The following ARHGEF12 variants were observed in gnomAD, a reference collection of about 807,000 sequenced individuals.
ARHGEF12 encodes Rho guanine nucleotide exchange factor 12.
ARHGEF12 carries 66 observed loss-of-function variants against 211.2 expected under a neutral mutation model. The observed-to-expected ratio is 0.31, with a 90% CI of 0.26 to 0.38. The LOEUF (loss-of-function observed/expected upper bound fraction) is 0.38. Among genes scored for constraint, ARHGEF12 ranks in the 10% least tolerant of loss-of-function variants. The pLI, the probability that ARHGEF12 is intolerant of heterozygous loss-of-function variation, is 1.00. For missense variants in ARHGEF12, 1,429 were observed against 1,869.5 expected, an observed-to-expected ratio of 0.76 and a Z score of 4.34; for synonymous variants, 592 against 638.4, an observed-to-expected ratio of 0.93 and a Z score of 1.09.
At position 120,451,530 on chromosome 11, in the gene ARHGEF12, T is replaced by C. The variant is rs1008977842; in HGVS notation, c.1862T>C (p.Leu621Pro). Residue 621 changes from leucine to proline, a missense_variant, in exon 22 of 41, where the codon CTA (leucine) becomes CCA (proline). By Grantham distance (98) the Leu-to-Pro change is moderately conservative. Transcript: ENST00000397843. ...TGATCAGTTGGCAGAGCCATGGAACTACAGAAGGCGCGCCACCCTAAGCAC... is the reference window on the plus strand; with the variant it reads ...TGATCAGTTGGCAGAGCCATGGAACCACAGAAGGCGCGCCACCCTAAGCAC... ...DNSAIGRAMELQKARHPKHLS... is the reference protein window; with the variant it reads ...DNSAIGRAMEPQKARHPKHLS... 4.3e-6 allele frequency: 7 copies of C among 1,614,016 alleles called. No individual in the cohort carries two copies. The highest frequency in any genetic ancestry group is 5.9e-6 in the Non-Finnish European group (7 of 1,180,032).
chr11:120,442,026 C>G, intron 14 of ARHGEF12, 78 bp from the exon 15 acceptor site: 1 of 1,054,816 alleles, frequency 9.5e-7, no homozygotes, highest in Admixed American at 2.3e-5. Flanking sequence ...TCCAGACATT[C>G]CTACTCAATG....
At chr11:120,378,468 A>T (rs1423420286) in intron 1 of ARHGEF12, among the ~76,000 whole-genome samples, 5 of 152,156 alleles carry the variant, frequency 3.3e-5, no homozygotes, top group Non-Finnish European at 7.4e-5. Flanking sequence ...TTCAAAGAGC[A>T]TAAGTTATTA....
At position 120,485,195 on chromosome 11, in the gene ARHGEF12, C is replaced by A; in HGVS notation, c.*118C>A. 7.4e-7 allele frequency: 1 copy of A among 1,351,918 alleles called. No individual in the cohort carries two copies. The highest frequency in any genetic ancestry group is 1.0e-6 in the Non-Finnish European group (1 of 956,734). The allele number at this position is 1,351,918 out of a possible 1,614,324, so 83.7% of individuals were successfully genotyped here. A position where few individuals can be genotyped will look rare whatever the true frequency, so the allele number is the denominator to read the frequency against. ...GTGTGACAGAGGATCTGCCTGTGAA[C>A]CACCTGGGATTAGTCAAGTCCCAAG... On this transcript the variant is annotated 3_prime_UTR_variant, in exon 41 of 41. Coordinates refer to ENST00000397843, the MANE Select transcript of ARHGEF12 (RefSeq NM_015313.3).
intron 11 of ARHGEF12, among the ~76,000 whole-genome samples, chr11:120,432,565 C>G (rs1329444665): frequency 1.3e-5 from 2 of 152,138 alleles, no homozygotes; most frequent in East Asian, 3.8e-4. Context: ...GTAGATCACC[C>G]TCTTTAAAAG....
intron 15 of ARHGEF12, among the ~76,000 whole-genome samples, chr11:120,444,270 A>G (rs535007691): frequency 5.9e-5 from 9 of 152,264 alleles, no homozygotes; most frequent in Admixed American, 3.3e-4. Context: ...TGAATTTTGC[A>G]TTTCTTAAGA....
At chr11:120,435,889 T>C (rs1945680576) in intron 11 of ARHGEF12, among the ~76,000 whole-genome samples, 1 of 152,176 alleles carries the variant, frequency 6.6e-6, no homozygotes, top group Non-Finnish European at 1.5e-5. Context: ...AATTCAGAGT[T>C]TCAAAAGGAT....
chr11:120,457,967 T>A (rs1313438359), intron 24 of ARHGEF12, 113 bp from the exon 25 acceptor site: 1 of 1,314,776 alleles, frequency 7.6e-7, no homozygotes. Context: ...GAAATTTCAG[T>A]GCTAAGTCAG....
intron 29 of ARHGEF12, among the ~76,000 whole-genome samples, chr11:120,467,892 G>A (rs575965089): frequency 2.6e-5 from 4 of 152,234 alleles, no homozygotes; most frequent in South Asian, 2.1e-4. Context: ...GAGCACAGCC[G>A]TGCTCGTCTG....
chr11:120,488,724 T>A lies in ARHGEF12; in HGVS notation c.*3647T>A, dbSNP rs745695790. 2.3e-5 allele frequency: 5 copies of A among 217,852 alleles called. No homozygotes were observed. The highest frequency in any genetic ancestry group is 4.6e-5 in the Non-Finnish European group (5 of 108,146). 13.5% of individuals were successfully genotyped at this position (217,852 alleles called of 1,614,324 possible). ...ATAAGCCTCTTCCTACTAGAACATT[T>A]TATTTTCCTTGTTCACCATACAATC... is the stretch of plus-strand genomic sequence containing the variant. On this transcript the variant is annotated 3_prime_UTR_variant, in exon 41 of 41. Transcript: ENST00000397843.
At chr11:120,375,685 G>A (rs556652230) in intron 1 of ARHGEF12, among the ~76,000 whole-genome samples, 1 of 151,752 alleles carries the variant, frequency 6.6e-6, no homozygotes, top group East Asian at 1.9e-4. Flanking sequence ...ACATTTGTGT[G>A]GTACATTTGT....
At chr11:120,425,811 T>A (rs1034446731) in intron 7 of ARHGEF12, among the ~76,000 whole-genome samples, 1 of 151,504 alleles carries the variant, frequency 6.6e-6, no homozygotes, top group East Asian at 1.9e-4. Context: ...GAAATTTTTT[T>A]AAAAAAGGAA....
At chr11:120,460,884 A>G in intron 27 of ARHGEF12, 127 bp downstream of exon 27, 1 of 787,146 alleles carries the variant, frequency 1.3e-6, no homozygotes, top group Non-Finnish European at 2.1e-6. Flanking sequence ...AAGCTGAGAA[A>G]GGTCAAGCAG....
At chr11:120,476,085 T>G (rs1298451823) in intron 33 of ARHGEF12, 2 of 152,638 alleles carry the variant, frequency 1.3e-5, no homozygotes, top group Non-Finnish European at 2.9e-5. Context: ...TTTTTTTTCT[T>G]TTGAGACGAG....
At chr11:120,411,964 G>C (rs1001342944) in intron 4 of ARHGEF12, 7 of 152,104 alleles carry the variant, frequency 4.6e-5, no homozygotes, top group Non-Finnish European at 1.0e-4. Context: ...CATTTTTAGA[G>C]CTACTTTGTG....
In ARHGEF12 at chr11:120,488,799, T is replaced by TA; in HGVS notation, c.*3729dup. On this transcript the variant is annotated 3_prime_UTR_variant, in exon 41 of 41. Transcript: ENST00000397843. ...TTTAAAAAATATCTGGAACTATCTTTAAAAAAACTTTATTAATAATCATGT... is the reference window on the plus strand; with the variant it reads ...TTTAAAAAATATCTGGAACTATCTTTAAAAAAAACTTTATTAATAATCATGT... 4.8e-6 allele frequency: 1 copy of TA among 210,442 alleles called. No individual in the cohort carries two copies. The highest frequency in any genetic ancestry group is 9.7e-6 in the Non-Finnish European group (1 of 103,412). The allele number at this position is 210,442 out of a possible 1,614,324, so 13.0% of individuals were successfully genotyped here.
intron 1 of ARHGEF12, among the ~76,000 whole-genome samples, chr11:120,399,863 CT>C (rs1944507687): frequency 6.6e-6 from 1 of 152,050 alleles, no homozygotes; most frequent in Non-Finnish European, 1.5e-5. Flanking sequence ...TTGAGTAGTA[CT>C]CTTTTTTTAA....
rs538442202 is a variant in ARHGEF12 at position 120,439,954 on chromosome 11, A to G, written c.1000-175A>G. The G allele has an allele frequency of 4.3e-5, 25 of 578,168 alleles. No homozygotes were observed. In the South Asian group the frequency reaches 5.4e-4, roughly 12 times the overall value. The allele number at this position is 578,168 out of a possible 1,614,324, so 35.8% of individuals were successfully genotyped here. On this transcript the variant is annotated intron_variant, in intron 12 of 40. Transcript: ENST00000397843. ...GTCTTTTTCTCTGCCAGAGTGGTAC[A>G]TGGCCTTGAAAATTTGTGAACCCCT... is the stretch of plus-strand genomic sequence containing the variant.
At chr11:120,347,196 C>CTTTT (rs1301188425) in intron 1 of ARHGEF12, among the ~76,000 whole-genome samples, 1 of 134,560 alleles carries the variant, frequency 7.4e-6, no homozygotes, top group African/African-American at 3.1e-5. Context: ...TTCTTTCTTT[C>CTTTT]TTTCTTTCTC....
rs887971999 is a variant in ARHGEF12, at chr11:120,485,822, T to C, written c.*745T>C. 3 of 233,040 alleles carry C rather than the reference T, an allele frequency of 1.3e-5. No homozygotes were observed. The highest frequency in any genetic ancestry group is 6.6e-5 in the African/African-American group (3 of 45,328). 14.4% of individuals were successfully genotyped at this position (233,040 alleles called of 1,614,324 possible). A position where few individuals can be genotyped will look rare whatever the true frequency, so the allele number is the denominator to read the frequency against. On this transcript the variant is annotated 3_prime_UTR_variant, in exon 41 of 41. Transcript: ENST00000397843. ...GATCAACCACAATTAATAGGAATCC[T>C]CAACATACTAAATAGCAGGCACTTG...
Sources: allele counts gnomAD v4.1 joint callset (sites outside exome capture counted in the v4.1 genomes callset), GRCh38; gene constraint gnomAD v4.1.1; transcripts MANE v1.5; gene names NCBI Gene and HGNC (gene_info 2026-07-23, HGNC 2026-07-21).